Variants in MYO3B observed in about 807,000 individuals in gnomAD.
MYO3B encodes the protein myosin-IIIb.
Under a neutral mutation model 174.6 loss-of-function variants are expected in MYO3B, and 156 were observed. That is an observed-to-expected ratio of 0.89 (90% confidence interval 0.78 to 1.02). The LOEUF is 1.02. Ranked by LOEUF, MYO3B falls within the 50% of genes least tolerant of loss-of-function variation. The pLI, the probability that MYO3B is intolerant of heterozygous loss-of-function variation, is 0.00. For missense variants in MYO3B, 1,632 were observed against 1,639.4 expected (o/e 1.00, Z 0.08); for synonymous variants, 563 against 569.1 (o/e 0.99, Z 0.15).
At chr2:170,207,617 C>T (rs2092726939) in intron 3 of MYO3B, among the ~76,000 whole-genome samples, 1 of 151,356 alleles carries the variant, frequency 6.6e-6, no homozygotes, top group East Asian at 1.9e-4. Flanking sequence ...AGGGGAGTGT[C>T]CCATAGTACA....
At chr2:170,208,343 A>G (rs2092735628) in intron 3 of MYO3B, among the ~76,000 whole-genome samples, 1 of 152,202 alleles carries the variant, frequency 6.6e-6, no homozygotes, top group African/African-American at 2.4e-5. Flanking sequence ...ATGTCTTGTG[A>G]CATGCCCAGA....
intron 7 of MYO3B, among the ~76,000 whole-genome samples, chr2:170,240,391 C>T (rs1298629476): frequency 6.6e-6 from 1 of 152,164 alleles, no homozygotes; most frequent in African/African-American, 2.4e-5. Flanking sequence ...AACAGAAATG[C>T]ATTTAATCCC....
intron 7 of MYO3B, among the ~76,000 whole-genome samples, chr2:170,290,806 CTCTTTTGCTTT>C (rs559921764): frequency 6.6e-4 from 100 of 151,814 alleles, no homozygotes; most frequent in Middle Eastern, 6.8e-3. Context: ...GTATGTTTTA[CTCTTTTGCTTT>C]TTATTCTTAG....
chr2:170,373,325 C>T (rs2094262283), intron 9 of MYO3B, among the ~76,000 whole-genome samples: 2 of 152,200 alleles, frequency 1.3e-5, no homozygotes, highest in Admixed American at 6.5e-5. Flanking sequence ...ATGCCAAGTA[C>T]TTCCAGATAT....
intron 32 of MYO3B, among the ~76,000 whole-genome samples, chr2:170,576,628 G>T (rs1029255679): frequency 1.3e-5 from 2 of 152,246 alleles, no homozygotes; most frequent in African/African-American, 2.4e-5. Context: ...AAAGAGAAAA[G>T]AAATTAATGT....
rs567044380 is a variant in MYO3B, at chr2:170,561,922, C to T, written c.3733+17934C>T. Among the ~76,000 whole-genome samples, 154 of 152,044 alleles carry T rather than the reference C, an allele frequency of 1.0e-3. 1 individual carries two copies. The highest frequency in any genetic ancestry group is 3.6e-3 in the African/African-American group (150 of 41,490). ...AGGTTGCTATAGTCTTTTTCTTCTTCATTAAACAACAACAACAAAAAGTTG... is the reference window on the plus strand; with the variant it reads ...AGGTTGCTATAGTCTTTTTCTTCTTTATTAAACAACAACAACAAAAAGTTG... On this transcript the variant is annotated intron_variant, in intron 32 of 34. Transcript: ENST00000408978.
intron 1 of MYO3B, among the ~76,000 whole-genome samples, chr2:170,189,836 C>A (rs527682275): frequency 6.6e-6 from 1 of 151,980 alleles, no homozygotes; most frequent in Admixed American, 6.6e-5. Context: ...GTCCCTGGTA[C>A]CTTATTTAGT....
intron 3 of MYO3B, among the ~76,000 whole-genome samples, chr2:170,205,967 T>C (rs1003486253): frequency 6.6e-6 from 1 of 152,108 alleles, no homozygotes; most frequent in Non-Finnish European, 1.5e-5. Flanking sequence ...ATGGGTAGTA[T>C]ACATAGTATA....
intron 22 of MYO3B, among the ~76,000 whole-genome samples, chr2:170,432,587 T>G (rs1179846629): frequency 6.6e-6 from 1 of 151,326 alleles, no homozygotes; most frequent in Non-Finnish European, 1.5e-5. Context: ...AAATTTTTTT[T>G]TTTTTTTGAG....
At chr2:170,408,923 C>T (rs775132544) in intron 22 of MYO3B, among the ~76,000 whole-genome samples, 3 of 152,080 alleles carry the variant, frequency 2.0e-5, no homozygotes, top group Non-Finnish European at 2.9e-5. Flanking sequence ...CTTGGAGCAG[C>T]CGGGGTTTAA....
intron 30 of MYO3B, among the ~76,000 whole-genome samples, chr2:170,542,076 A>C (rs1690147949): frequency 6.7e-6 from 1 of 148,298 alleles, no homozygotes; most frequent in Admixed American, 6.7e-5. Context: ...CGAATACTAC[A>C]GAAACTTACC....
chr2:170,412,690 C>T (rs1021963389), intron 22 of MYO3B, among the ~76,000 whole-genome samples: 4 of 152,216 alleles, frequency 2.6e-5, no homozygotes, highest in Admixed American at 6.5e-5. Flanking sequence ...CTTAAGAGAG[C>T]GCCTTTTGGT....
chr2:170,396,490 C>T (rs1214773290), intron 16 of MYO3B, among the ~76,000 whole-genome samples: 1 of 151,894 alleles, frequency 6.6e-6, no homozygotes, highest in Non-Finnish European at 1.5e-5. Context: ...GATGGAATAG[C>T]CCAGAAATAT....
At chr2:170,565,638 G>A (rs1401450361) in intron 32 of MYO3B, among the ~76,000 whole-genome samples, 2 of 152,188 alleles carry the variant, frequency 1.3e-5, no homozygotes, top group Non-Finnish European at 2.9e-5. Context: ...ACAGCTGTCT[G>A]TCTAGAACAG....
At chr2:170,180,484 T>C (rs899402618) in intron 1 of MYO3B, among the ~76,000 whole-genome samples, 2 of 152,222 alleles carry the variant, frequency 1.3e-5, no homozygotes, top group Middle Eastern at 3.2e-3. Context: ...TTTCTTTTTC[T>C]TCTCAGGATG....
intron 32 of MYO3B, among the ~76,000 whole-genome samples, chr2:170,561,387 C>G (rs750604780): frequency 6.6e-6 from 1 of 152,158 alleles, no homozygotes; most frequent in Non-Finnish European, 1.5e-5. Context: ...TAAACATTGC[C>G]CTTAGAGTGA....
At chr2:170,345,480 C>T (rs943375356) in intron 8 of MYO3B, among the ~76,000 whole-genome samples, 1 of 152,044 alleles carries the variant, frequency 6.6e-6, no homozygotes, top group African/African-American at 2.4e-5. Flanking sequence ...GGGGAAATTT[C>T]ATAATTTATT....
intron 8 of MYO3B, chr2:170,350,315 T>C (rs544390397): frequency 6.6e-6 from 1 of 152,242 alleles, no homozygotes; most frequent in Non-Finnish European, 1.5e-5. Context: ...AATTGATAGC[T>C]ACGTGGTTAG....
chr2:170,275,111 C>G (rs2093454814), intron 7 of MYO3B, among the ~76,000 whole-genome samples: 1 of 152,106 alleles, frequency 6.6e-6, no homozygotes, highest in Non-Finnish European at 1.5e-5. Context: ...TCTGCTAGGT[C>G]CCCATTTAAT....
Sources: gnomAD v4.1 joint callset for allele counts (sites outside exome capture counted in the v4.1 genomes callset) on GRCh38, gnomAD v4.1.1 for gene constraint, MANE v1.5 for transcripts, NCBI Gene and HGNC (gene_info 2026-07-23, HGNC 2026-07-21) for gene names.